RAD54L2: variants seen among roughly 807,000 people sequenced by gnomAD.
The protein encoded by RAD54L2 is helicase ARIP4.
RAD54L2 carries 27 observed loss-of-function variants against 138.4 expected under a neutral mutation model. The observed-to-expected ratio is 0.20, with a 90% CI of 0.14 to 0.27. The LOEUF (loss-of-function observed/expected upper bound fraction) is 0.27. Ranked by LOEUF, RAD54L2 falls within the 10% of genes least tolerant of loss-of-function variation. The pLI, the probability that RAD54L2 is intolerant of heterozygous loss-of-function variation, is 1.00. For missense variants in RAD54L2, 1,396 were observed against 1,890.2 expected (o/e 0.74, Z 4.85); for synonymous variants, 644 against 723.2 (o/e 0.89, Z 1.76).
At chr3:51,660,978 G>C (rs1282424673) in intron 22 of RAD54L2, among the ~76,000 whole-genome samples, 1 of 151,012 alleles carries the variant, frequency 6.6e-6, no homozygotes, top group Non-Finnish European at 1.5e-5. Flanking sequence ...TTTTGAGACA[G>C]AGTCTCGTTC....
intron 3 of RAD54L2, among the ~76,000 whole-genome samples, chr3:51,608,937 T>C (rs1460713154): frequency 2.0e-5 from 3 of 152,120 alleles, no homozygotes; most frequent in Admixed American, 6.5e-5. Context: ...GTTGCACAGT[T>C]TGGAGTGCAG....
At chr3:51,590,797 C>G (rs1338882590) in intron 3 of RAD54L2, among the ~76,000 whole-genome samples, 1 of 152,174 alleles carries the variant, frequency 6.6e-6, no homozygotes, top group Non-Finnish European at 1.5e-5. Flanking sequence ...TTGTCTCTGA[C>G]AGATGTTTGG....
intron 19 of RAD54L2, among the ~76,000 whole-genome samples, chr3:51,651,754 T>C (rs183835317): frequency 1.3e-5 from 2 of 152,300 alleles, no homozygotes; most frequent in East Asian, 3.9e-4. Context: ...TGCTAAAAGC[T>C]CTCAGTAAAC....
intron 2 of RAD54L2, among the ~76,000 whole-genome samples, chr3:51,548,337 C>T (rs1380222653): frequency 1.1e-4 from 16 of 151,828 alleles, no homozygotes; most frequent in African/African-American, 3.4e-4. Flanking sequence ...TACAGGCACC[C>T]GTCATCATGC....
intron 3 of RAD54L2, among the ~76,000 whole-genome samples, chr3:51,590,894 C>T (rs1699824833): frequency 6.6e-6 from 1 of 152,194 alleles, no homozygotes; most frequent in Non-Finnish European, 1.5e-5. Context: ...ACTTTGCAGT[C>T]TGGAGGCCAT....
In RAD54L2 at chr3:51,662,433, G is replaced by A; in HGVS notation, c.3417G>A (p.Gln1139=). The change falls in exon 23 of 23, where the codon CAG becomes CAA. Residue 1139 remains glutamine, a synonymous_variant. Coordinates refer to ENST00000684192, the MANE Select transcript of RAD54L2 (RefSeq NM_015106.4). This position sits in a 1 kb window ranked among gnomAD's most constrained non-coding sequence, Gnocchi z 4.6. The stretch of plus-strand genomic sequence containing the variant: ...ACTACATTTTGTCCCCAGGTTCCCA[G>A]GGACCTTCTTGCGAGTCCACAAGCA... ...EDGRMAASGS[Q]GPSCESTSNG... 6.6e-7 allele frequency: 1 copy of A among 1,520,098 alleles called. No homozygotes were observed. Among genetic ancestry groups the A allele is most frequent in the Non-Finnish European group, 8.8e-7 (1 of 1,132,098 alleles). 94.2% of individuals were successfully genotyped at this position (1,520,098 alleles called of 1,614,324 possible). A position where few individuals can be genotyped will look rare whatever the true frequency, so the allele number is the denominator to read the frequency against.
rs770352830 is a variant in RAD54L2, at chr3:51,633,886, C to T, written c.1009-16C>T. On this transcript the variant is annotated splice_polypyrimidine_tract_variant and intron_variant, in intron 8 of 22. Transcript: ENST00000684192. The stretch of plus-strand genomic sequence containing the variant: ...TGTTCCATAAAACTCTCTTTTTGGA[C>T]TTGGCTTTCTAATAGGTTAATACTC... The T allele has an allele frequency of 5.0e-5, 80 of 1,608,152 alleles. No homozygotes were observed. The highest frequency in any genetic ancestry group is 6.6e-5 in the Non-Finnish European group (78 of 1,177,644).
At chr3:51,604,375 A>G (rs1047953465) in intron 3 of RAD54L2, among the ~76,000 whole-genome samples, 6 of 152,144 alleles carry the variant, frequency 3.9e-5, no homozygotes. Context: ...AGGACTTTGC[A>G]TTGCATTTTT....
At chr3:51,583,589 T>TG (rs1370908772) in intron 2 of RAD54L2, among the ~76,000 whole-genome samples, 1 of 148,316 alleles carries the variant, frequency 6.7e-6, no homozygotes, top group East Asian at 2.0e-4. Context: ...CCAGCTAATT[T>TG]TTTTTTTTTT....
chr3:51,623,623 A>G (rs1020067781), intron 3 of RAD54L2, among the ~76,000 whole-genome samples: 1 of 152,140 alleles, frequency 6.6e-6, no homozygotes, highest in Non-Finnish European at 1.5e-5. Context: ...CTTATTTCTT[A>G]TATACCCATG....
Position 51,575,222 on chromosome 3 carries a change from C to T in RAD54L2, c.-54-15145C>T, listed in dbSNP as rs180702666. On this transcript the variant is annotated intron_variant, in intron 2 of 22. Transcript: ENST00000684192. ...ATTGGTCTATATCTCTGTTTTGGTA[C>T]GGGTACCATGCTGTTTTGGTTACTG... Among the ~76,000 whole-genome samples the T allele has an allele frequency of 5.7e-3, 862 of 152,210 alleles. 5 individuals are homozygous for T. The highest frequency in any genetic ancestry group is 8.2e-3 in the Non-Finnish European group (560 of 68,018).
chr3:51,654,817 T>G (rs1701555522), intron 19 of RAD54L2, among the ~76,000 whole-genome samples: 1 of 152,202 alleles, frequency 6.6e-6, no homozygotes, highest in Non-Finnish European at 1.5e-5. Context: ...TCTCACAGCA[T>G]TTGATGAGTT....
intron 3 of RAD54L2, among the ~76,000 whole-genome samples, chr3:51,598,814 C>T (rs764675362): frequency 5.9e-5 from 9 of 152,018 alleles, no homozygotes; most frequent in African/African-American, 4.8e-5. Flanking sequence ...GCTGAACATG[C>T]GGAGGTTTCT....
chr3:51,634,185 A>AT (rs1577444518), intron 9 of RAD54L2, 150 bp downstream of exon 9: 3 of 1,084,976 alleles, frequency 2.8e-6, no homozygotes, highest in Non-Finnish European at 3.8e-6. Flanking sequence ...CTTGCTACTC[A>AT]TTTTTTTCTC....
chr3:51,601,079 G>A (rs1465787560), intron 3 of RAD54L2, among the ~76,000 whole-genome samples: 1 of 152,104 alleles, frequency 6.6e-6, no homozygotes, highest in Non-Finnish European at 1.5e-5. Flanking sequence ...GGGCAGAGGA[G>A]ATACAGATAT....
chr3:51,619,140 C>T (rs532666115), intron 3 of RAD54L2, among the ~76,000 whole-genome samples: 1 of 152,152 alleles, frequency 6.6e-6, no homozygotes, highest in South Asian at 2.1e-4. Context: ...TCACTGCAAC[C>T]TCTGCCTCCC....
chr3:51,635,142 TCTC>T (rs1184882381), intron 9 of RAD54L2, among the ~76,000 whole-genome samples: 2 of 152,188 alleles, frequency 1.3e-5, no homozygotes, highest in Non-Finnish European at 1.5e-5. Flanking sequence ...TCTGGTCTCT[TCTC>T]CTCTTTCCTC....
intron 2 of RAD54L2, among the ~76,000 whole-genome samples, chr3:51,568,783 G>A (rs901521266): frequency 9.9e-5 from 15 of 152,168 alleles, no homozygotes; most frequent in African/African-American, 3.4e-4. Context: ...AAAATGCATT[G>A]TAAATTTCCT....
In RAD54L2 at chr3:51,543,765, C is replaced by T. The variant is rs553125909; in HGVS notation, c.-55+2115C>T. Among the ~76,000 whole-genome samples the T allele has an allele frequency of 2.6e-5, 4 of 152,232 alleles. 1 individual carries two copies. Among genetic ancestry groups the T allele is most frequent in the Non-Finnish European group, 2.9e-5 (2 of 68,020 alleles). On this transcript the variant is annotated intron_variant, in intron 2 of 22. Transcript: ENST00000684192. Reference sequence around the variant, plus strand: ...TTCCTCTGCCACATTTACTCTGGCACGTGAGGCTCAGTTATAGTGAACTCC... The same window carrying T: ...TTCCTCTGCCACATTTACTCTGGCATGTGAGGCTCAGTTATAGTGAACTCC...
Sources: allele counts gnomAD v4.1 joint callset (sites outside exome capture counted in the v4.1 genomes callset), GRCh38; gene constraint gnomAD v4.1.1; non-coding constraint Gnocchi (gnomAD v3.1); transcripts MANE v1.5; gene names NCBI Gene and HGNC (gene_info 2026-07-23, HGNC 2026-07-21).